CFAP299: variants seen among roughly 807,000 people sequenced by gnomAD.
CFAP299 encodes the protein cilia- and flagella-associated protein 299.
Under a neutral mutation model 27.0 loss-of-function variants are expected in CFAP299, and 21 were observed. That is an observed-to-expected ratio of 0.78 (90% CI 0.55 to 1.12). The LOEUF (loss-of-function observed/expected upper bound fraction) is 1.12, where lower values mean the gene tolerates loss of function less well. Among genes scored for constraint, CFAP299 ranks in the 50% most tolerant of loss-of-function variants. CFAP299 has a pLI of 0.00. For synonymous variants in CFAP299, 104 were observed against 98.1 expected, an observed-to-expected ratio of 1.06 and a Z score of -0.36; for missense variants, 310 against 276.6, an observed-to-expected ratio of 1.12 and a Z score of -0.86.
chr4:80,493,262 G>A lies in CFAP299; in HGVS notation c.243-89831G>A, dbSNP rs764786444. On this transcript the variant is annotated intron_variant, in intron 2 of 5. Transcript: ENST00000358105. The stretch of plus-strand genomic sequence containing the variant: ...TTTCTTTTAATTATCAGCAAGGCAA[G>A]GTACTTCTGTAGAAGGGTGCACACT... 3.3e-5 allele frequency among the ~76,000 whole-genome samples: 5 copies of A among 152,298 alleles called. No individual in the cohort carries two copies. In the South Asian group the frequency reaches 1.0e-3, roughly 32 times the overall value.
At chr4:80,656,527 G>C (rs989695027) in intron 3 of CFAP299, among the ~76,000 whole-genome samples, 6 of 152,200 alleles carry the variant, frequency 3.9e-5, no homozygotes, top group Middle Eastern at 3.4e-3. Flanking sequence ...TTTCCAGCTT[G>C]ATCCATGTCA....
In CFAP299 at chr4:80,800,171, AATATATAATAATATG is replaced by A. The variant is rs1186006788; in HGVS notation, c.334-69821_334-69807del. Among the ~76,000 whole-genome samples, 161 of 69,588 alleles carry A rather than the reference AATATATAATAATATG, an allele frequency of 2.3e-3. 1 individual carries two copies. The highest frequency in any genetic ancestry group is 7.7e-3 in the African/African-American group (131 of 17,046). The allele number at this position is 69,588 out of a possible 152,430, so 45.7% of individuals were successfully genotyped here. Reference sequence around the variant, plus strand: ...TATTTATATAATATATAATACATATAATATATAATAATATGTAATACTATATAATATAATATATAA... The same window carrying A: ...TATTTATATAATATATAATACATATATAATACTATATAATATAATATATAA... On this transcript the variant is annotated intron_variant, in intron 3 of 5. Transcript: ENST00000358105.
chr4:80,578,412 A>T lies in CFAP299; in HGVS notation c.243-4681A>T, dbSNP rs114930470. Reference sequence around the variant, plus strand: ...AATATAAGAAGGATTATTATGTAACATTTTTTTCTCTGCTTCGGATAGCTT... The same window carrying T: ...AATATAAGAAGGATTATTATGTAACTTTTTTTTCTCTGCTTCGGATAGCTT... On this transcript the variant is annotated intron_variant, in intron 2 of 5. Coordinates refer to ENST00000358105, the MANE Select transcript of CFAP299 (RefSeq NM_152770.3). Among the ~76,000 whole-genome samples the T allele has an allele frequency of 6.7e-3, 1,014 of 152,116 alleles. 12 individuals are homozygous for T. Among genetic ancestry groups the T allele is most frequent in the African/African-American group, 0.023 (964 of 41,498 alleles).
upstream of CFAP299, among the ~76,000 whole-genome samples, chr4:80,334,073 G>A (rs897191414): frequency 6.6e-6 from 1 of 152,168 alleles, no homozygotes; most frequent in Non-Finnish European, 1.5e-5. Context: ...CTGAAAATCA[G>A]CCTCAGTGTT....
At chr4:80,642,176 G>C (rs1288186477) in intron 3 of CFAP299, among the ~76,000 whole-genome samples, 1 of 152,172 alleles carries the variant, frequency 6.6e-6, no homozygotes, top group Non-Finnish European at 1.5e-5. Context: ...AGATTAATCT[G>C]TTAACTGTGT....
At chr4:80,653,557 TC>T (rs1298129883) in intron 3 of CFAP299, among the ~76,000 whole-genome samples, 2 of 152,062 alleles carry the variant, frequency 1.3e-5, no homozygotes, top group Non-Finnish European at 2.9e-5. Flanking sequence ...TTATCAGTGG[TC>T]CCCAAACACA....
chr4:80,408,210 A>G (rs891028678), intron 2 of CFAP299, among the ~76,000 whole-genome samples: 1 of 152,250 alleles, frequency 6.6e-6, no homozygotes, highest in African/African-American at 2.4e-5. Context: ...TTACTTCCAA[A>G]GTAGCTAAAC....
chr4:80,942,032 T>G (rs1560486168), intron 4 of CFAP299, among the ~76,000 whole-genome samples: 1 of 152,088 alleles, frequency 6.6e-6, no homozygotes, highest in Non-Finnish European at 1.5e-5. Context: ...GCTTTCAAAT[T>G]TATCATCTTC....
chr4:80,462,515 C>T (rs982622819), intron 2 of CFAP299, among the ~76,000 whole-genome samples: 1 of 152,188 alleles, frequency 6.6e-6, no homozygotes, highest in African/African-American at 2.4e-5. Flanking sequence ...TCACTCCCCA[C>T]CTCCACCCCA....
intron 3 of CFAP299, among the ~76,000 whole-genome samples, chr4:80,697,141 C>G (rs564829491): frequency 6.6e-6 from 1 of 151,546 alleles, no homozygotes; most frequent in Non-Finnish European, 1.5e-5. Context: ...CCTAGGAGTA[C>G]GAGACCAGCC....
intron 3 of CFAP299, among the ~76,000 whole-genome samples, chr4:80,718,195 G>A (rs1220903471): frequency 6.6e-6 from 1 of 152,004 alleles, no homozygotes; most frequent in African/African-American, 2.4e-5. Flanking sequence ...TAAGTCTTTA[G>A]AACACTGTAC....
At chr4:80,902,586 T>TATATACACACACAC (rs370673737) in intron 4 of CFAP299, among the ~76,000 whole-genome samples, 68 of 126,700 alleles carry the variant, frequency 5.4e-4, no homozygotes, top group African/African-American at 1.7e-3. Context: ...ATGTAATATA[T>TATATACACACACAC]ACACACACAC....
chr4:80,401,874 G>A (rs2110050574), intron 2 of CFAP299, among the ~76,000 whole-genome samples: 1 of 152,302 alleles, frequency 6.6e-6, no homozygotes, highest in South Asian at 2.1e-4. Flanking sequence ...AAAGCCACAG[G>A]GATGGAGCTG....
intron 3 of CFAP299, among the ~76,000 whole-genome samples, chr4:80,724,067 C>A (rs956794486): frequency 2.0e-5 from 3 of 152,078 alleles, no homozygotes; most frequent in Admixed American, 2.0e-4. Context: ...TTGGATCCAA[C>A]TCTGTAGCTC....
At chr4:80,762,774 C>T (rs910388159) in intron 3 of CFAP299, among the ~76,000 whole-genome samples, 5 of 152,208 alleles carry the variant, frequency 3.3e-5, no homozygotes, top group Admixed American at 1.3e-4. Flanking sequence ...ACCAAAGCCA[C>T]ACTATTTTCC....
rs1720861191 is a variant in CFAP299, at chr4:80,693,310, A to G, written c.333+110127A>G. Among the ~76,000 whole-genome samples, 4 of 152,152 alleles carry G rather than the reference A, an allele frequency of 2.6e-5. No individual in the cohort carries two copies. In the South Asian group the frequency reaches 8.3e-4, roughly 32 times the overall value. ...TTGGAACCAACCCAAATGTCCAACA[A>G]TGATAGACTGGATTAAGAAAATGTG... On this transcript the variant is annotated intron_variant, in intron 3 of 5. Transcript: ENST00000358105.
chr4:80,322,047 T>G, the CFAP299 span, among the ~76,000 whole-genome samples: 1 of 152,112 alleles, frequency 6.6e-6, no homozygotes, highest in East Asian at 1.9e-4. Context: ...TGAAAGTCAG[T>G]ACCCAGGACT....
chr4:80,722,745 A>G (rs1722909048), intron 3 of CFAP299, among the ~76,000 whole-genome samples: 1 of 151,950 alleles, frequency 6.6e-6, no homozygotes, highest in Non-Finnish European at 1.5e-5. Context: ...CTAAAAATAC[A>G]AAAAATTAGC....
chr4:80,715,559 T>C (rs577364847), intron 3 of CFAP299, among the ~76,000 whole-genome samples: 2 of 152,156 alleles, frequency 1.3e-5, no homozygotes, highest in Admixed American at 6.6e-5. Flanking sequence ...CCAAAATGGG[T>C]CTACACTTTG....
Sources: allele counts gnomAD v4.1 joint callset (sites outside exome capture counted in the v4.1 genomes callset), GRCh38; gene constraint gnomAD v4.1.1; transcripts MANE v1.5; gene names NCBI Gene and HGNC (gene_info 2026-07-23, HGNC 2026-07-21).